The following DNMT3A variants were observed in gnomAD, a reference collection of about 807,000 sequenced individuals.
DNMT3A encodes DNA methyltransferase 3 alpha.
Under a neutral mutation model 117.6 loss-of-function variants are expected in DNMT3A, and 267 were observed. The observed-to-expected ratio is 2.27, with a 90% CI of 2.05 to 2.51. The LOEUF (loss-of-function observed/expected upper bound fraction) is 2.51, where lower values mean the gene tolerates loss of function less well. Ranked by LOEUF, DNMT3A falls within the 30% of genes most tolerant of loss-of-function variation. The pLI, the probability that DNMT3A is intolerant of heterozygous loss-of-function variation, is 0.00. For synonymous variants in DNMT3A, 432 were observed against 474.8 expected, an observed-to-expected ratio of 0.91 and a Z score of 1.17; for missense variants, 1,029 against 1,260.2, an observed-to-expected ratio of 0.82 and a Z score of 2.78.
intron 6 of DNMT3A, chr2:25,249,800 C>T (rs1675291864): frequency 1.3e-6 from 2 of 1,534,900 alleles, no homozygotes; most frequent in Non-Finnish European, 1.8e-6. Flanking sequence ...GAAACACGGC[C>T]CTCTGACTTC....
intron 3 of DNMT3A, among the ~76,000 whole-genome samples, chr2:25,292,066 C>T (rs1319895858): frequency 1.3e-5 from 2 of 152,044 alleles, no homozygotes; most frequent in African/African-American, 4.8e-5. Flanking sequence ...ACCAGCCTGG[C>T]CAACATGGTG....
rs186629653 is a variant in DNMT3A at position 25,336,497 on chromosome 2, C to T, written c.-178+5329G>A. On this transcript the variant is annotated intron_variant, in intron 1 of 22. Coordinates refer to ENST00000321117, the MANE Select transcript of DNMT3A (RefSeq NM_022552.5). ...GGCCTCCCCCTTAATCGTCACAACC[C>T]CCTGGGGTCAGTGTAATTTAAACCC... Among the ~76,000 whole-genome samples the T allele has an allele frequency of 2.0e-3, 308 of 152,196 alleles. 5 individuals are homozygous for T. Among genetic ancestry groups the T allele is most frequent in the Non-Finnish European group, 7.6e-4 (52 of 67,992 alleles).
Position 25,254,249 on chromosome 2 carries a change from GC to G in DNMT3A, c.640-5998del, listed in dbSNP as rs576188111. The stretch of plus-strand genomic sequence containing the variant: ...ATGACAATGAGACAATTCTCTAGGT[GC>G]CTGGCTCCCAGCCACAGTCACCTGG... On this transcript the variant is annotated intron_variant, in intron 6 of 22. Coordinates refer to ENST00000321117, the MANE Select transcript of DNMT3A (RefSeq NM_022552.5). This position sits in a 1 kb window ranked among gnomAD's most constrained non-coding sequence, Gnocchi z 4.7. Among the ~76,000 whole-genome samples, 119 of 152,106 alleles carry G rather than the reference GC, an allele frequency of 7.8e-4. No individual in the cohort carries two copies. Among genetic ancestry groups the G allele is most frequent in the African/African-American group, 2.7e-3 (112 of 41,506 alleles).
At position 25,254,652 on chromosome 2, in the gene DNMT3A, G is replaced by A. The variant is rs1007989482; in HGVS notation, c.640-6400C>T. Among the ~76,000 whole-genome samples the A allele has an allele frequency of 5.9e-5, 9 of 152,062 alleles. No individual in the cohort carries two copies. Among genetic ancestry groups the A allele is most frequent in the African/African-American group, 2.2e-4 (9 of 41,404 alleles). ...TAGGGAATGCAGCATGACTTGCTTCGCTGCTTCTCTCACTGATACCTCTTC... is the reference window on the plus strand; with the variant it reads ...TAGGGAATGCAGCATGACTTGCTTCACTGCTTCTCTCACTGATACCTCTTC... On this transcript the variant is annotated intron_variant, in intron 6 of 22. Coordinates refer to ENST00000321117, the MANE Select transcript of DNMT3A (RefSeq NM_022552.5). The surrounding 1 kb of genome is among the most constrained non-coding windows in gnomAD (Gnocchi z 4.7).
rs752382240 is a variant in DNMT3A at position 25,254,071 on chromosome 2, CAAAA to C, written c.640-5823_640-5820del. On this transcript the variant is annotated intron_variant, in intron 6 of 22. Transcript: ENST00000321117. This position sits in a 1 kb window ranked among gnomAD's most constrained non-coding sequence, Gnocchi z 4.7. ...TGGGCAACAGAGCGAGACTCCGTCT[CAAAA>C]AAAAAAAAAAAAAAGATCTGGACTT... Among the ~76,000 whole-genome samples, 2 of 71,098 alleles carry C rather than the reference CAAAA, an allele frequency of 2.8e-5. No homozygotes were observed. 46.6% of individuals were successfully genotyped at this position (71,098 alleles called of 152,430 possible).
chr2:25,263,420 G>T (rs1455338891), intron 6 of DNMT3A, among the ~76,000 whole-genome samples: 1 of 152,018 alleles, frequency 6.6e-6, no homozygotes, highest in Non-Finnish European at 1.5e-5. Flanking sequence ...TTGACAATGT[G>T]TGCCTCTGGG....
At position 25,252,907 on chromosome 2, in the gene DNMT3A, C is replaced by T. The variant is rs1675768462; in HGVS notation, c.640-4655G>A. ...ATCGGGGATTGTTTGGGGGGTCTCC[C>T]GCCTCCACACTACAGGTGAATAGAG... On this transcript the variant is annotated intron_variant, in intron 6 of 22. Coordinates refer to ENST00000321117, the MANE Select transcript of DNMT3A (RefSeq NM_022552.5). The surrounding 1 kb of genome is among the most constrained non-coding windows in gnomAD (Gnocchi z 5.5). Among the ~76,000 whole-genome samples the T allele has an allele frequency of 6.6e-6, 1 of 152,090 alleles. No individual in the cohort carries two copies. Among genetic ancestry groups the T allele is most frequent in the African/African-American group, 2.4e-5 (1 of 41,404 alleles).
chr2:25,277,124 C>G (rs1050505945), intron 4 of DNMT3A, among the ~76,000 whole-genome samples: 3 of 152,118 alleles, frequency 2.0e-5, no homozygotes, highest in Non-Finnish European at 4.4e-5. Flanking sequence ...GCCGCGTGGG[C>G]GGGGACGGGG....
At chr2:25,258,493 G>T (rs932496869) in intron 6 of DNMT3A, among the ~76,000 whole-genome samples, 2 of 152,208 alleles carry the variant, frequency 1.3e-5, no homozygotes, top group East Asian at 1.9e-4. Context: ...AGGTAGGCTG[G>T]GGGGAAGGGA....
In DNMT3A at chr2:25,227,991, TGACA is replaced by T. The variant is rs1278153656; in HGVS notation, c.*6284_*6287del. ...AAAAAAAATGTGATGAAGGCGGAAC[TGACA>T]GACTTTCTACATCTGTTGTACGCAT... On this transcript the variant is annotated 3_prime_UTR_variant, in exon 23 of 23. Transcript: ENST00000321117. 6.6e-6 allele frequency: 1 copy of T among 151,724 alleles called. No individual in the cohort carries two copies. Among genetic ancestry groups the T allele is most frequent in the Non-Finnish European group, 1.5e-5 (1 of 67,948 alleles). 9.4% of individuals were successfully genotyped at this position (151,724 alleles called of 1,614,324 possible). A position where few individuals can be genotyped will look rare whatever the true frequency, so the allele number is the denominator to read the frequency against.
chr2:25,249,710 C>T, intron 6 of DNMT3A: 1 of 1,614,202 alleles, frequency 6.2e-7, no homozygotes, highest in Non-Finnish European at 8.5e-7. Flanking sequence ...CTTCTCACAA[C>T]CCGCTCCAGG....
rs908687714 is a variant in DNMT3A, at chr2:25,294,131, C to T, written c.177+6008G>A. Among the ~76,000 whole-genome samples the T allele has an allele frequency of 3.3e-5, 5 of 152,182 alleles. No homozygotes were observed. The highest frequency in any genetic ancestry group is 7.3e-5 in the Non-Finnish European group (5 of 68,034). On this transcript the variant is annotated intron_variant, in intron 3 of 22. Transcript: ENST00000321117. The surrounding 1 kb of genome is among the most constrained non-coding windows in gnomAD (Gnocchi z 4.7). ...GGTCGGGGGTGCCTCTCACTTTCCC[C>T]TTGACTTCTCCAAATGTCACCTCCC...
At position 25,339,838 on chromosome 2, in the gene DNMT3A, G is replaced by A. The variant is rs1489110653; in HGVS notation, c.-178+1988C>T. ...AGTCCTAACACCCAGGCAATAGCAA[G>A]GCGAATAGCTCCCCTGGCTGCAGCT... is the stretch of plus-strand genomic sequence containing the variant. On this transcript the variant is annotated intron_variant, in intron 1 of 22. Transcript: ENST00000321117. This position sits in a 1 kb window ranked among gnomAD's most constrained non-coding sequence, Gnocchi z 4.9. Among the ~76,000 whole-genome samples, 2 of 152,260 alleles carry A rather than the reference G, an allele frequency of 1.3e-5. No homozygotes were observed. Among genetic ancestry groups the A allele is most frequent in the African/African-American group, 2.4e-5 (1 of 41,472 alleles).
chr2:25,339,251 G>C lies in DNMT3A; in HGVS notation c.-178+2575C>G, dbSNP rs1485514734. ...AGCTGGAATGGACCTTCCGGCTCTA[G>C]TCCAACCCCCACCCCACAGAGGAAT... On this transcript the variant is annotated intron_variant, in intron 1 of 22. Coordinates refer to ENST00000321117, the MANE Select transcript of DNMT3A (RefSeq NM_022552.5). The surrounding 1 kb of genome is among the most constrained non-coding windows in gnomAD (Gnocchi z 4.9). Among the ~76,000 whole-genome samples the C allele has an allele frequency of 2.0e-5, 3 of 152,218 alleles. No individual in the cohort carries two copies. Among genetic ancestry groups the C allele is most frequent in the Admixed American group, 2.0e-4 (3 of 15,286 alleles).
In DNMT3A at chr2:25,325,681, G is replaced by A. The variant is rs10204946; in HGVS notation, c.-177-11520C>T. Among the ~76,000 whole-genome samples, 1,504 of 152,190 alleles carry A rather than the reference G, an allele frequency of 9.9e-3. 22 individuals are homozygous for A. Among genetic ancestry groups the A allele is most frequent in the African/African-American group, 0.034 (1,415 of 41,494 alleles). On this transcript the variant is annotated intron_variant, in intron 1 of 22. Transcript: ENST00000321117. Reference sequence around the variant, plus strand: ...CACTTGGCTTTCTCGAACTCCTTACGCCACTGAACTGACAGTGGAAAAAAG... The same window carrying A: ...CACTTGGCTTTCTCGAACTCCTTACACCACTGAACTGACAGTGGAAAAAAG...
chr2:25,286,450 G>T lies in DNMT3A; in HGVS notation c.178-3739C>A, dbSNP rs747460558. Among the ~76,000 whole-genome samples the T allele has an allele frequency of 6.6e-6, 1 of 152,122 alleles. No individual in the cohort carries two copies. Among genetic ancestry groups the T allele is most frequent in the East Asian group, 1.9e-4 (1 of 5,204 alleles). Reference sequence around the variant, plus strand: ...CTCACCCGCTGAAATCCCCACTCCCGCATCTGGTCCACACCATCCTCTGCC... The same window carrying T: ...CTCACCCGCTGAAATCCCCACTCCCTCATCTGGTCCACACCATCCTCTGCC... On this transcript the variant is annotated intron_variant, in intron 3 of 22. Transcript: ENST00000321117. This position sits in a 1 kb window ranked among gnomAD's most constrained non-coding sequence, Gnocchi z 4.3.
chr2:25,243,742 C>T (rs1180472159), intron 16 of DNMT3A, among the ~76,000 whole-genome samples, 156 bp downstream of exon 16: 1 of 152,252 alleles, frequency 6.6e-6, no homozygotes, highest in Non-Finnish European at 1.5e-5. Flanking sequence ...CCACGGACTG[C>T]ATACGTTTCC....
Position 25,286,205 on chromosome 2 carries a change from G to T in DNMT3A, c.178-3494C>A, listed in dbSNP as rs1313495597. ...GGCTCCGTAGCATAGAGACCTATGA[G>T]GGCCGGCTCTGAGGCCCAACACAGC... On this transcript the variant is annotated intron_variant, in intron 3 of 22. Coordinates refer to ENST00000321117, the MANE Select transcript of DNMT3A (RefSeq NM_022552.5). The surrounding 1 kb of genome is among the most constrained non-coding windows in gnomAD (Gnocchi z 4.3). 6.6e-6 allele frequency among the ~76,000 whole-genome samples: 1 copy of T among 152,170 alleles called. No homozygotes were observed. Among genetic ancestry groups the T allele is most frequent in the Non-Finnish European group, 1.5e-5 (1 of 68,036 alleles).
rs117076924 is a variant in DNMT3A at position 25,312,451 on chromosome 2, C to T, written c.72+1462G>A. Among the ~76,000 whole-genome samples the T allele has an allele frequency of 2.0e-4, 31 of 152,338 alleles. No individual in the cohort carries two copies. The East Asian group carries it at 3.9e-3, about 19-fold the overall frequency. ...GGCTGACTGGGTGCACACACCCCCA[C>T]GGTGCTCTACAGGGTGCTGGGCTGG... On this transcript the variant is annotated intron_variant, in intron 2 of 22. Transcript: ENST00000321117.
Sources: allele counts gnomAD v4.1 joint callset (sites outside exome capture counted in the v4.1 genomes callset), GRCh38; gene constraint gnomAD v4.1.1; non-coding constraint Gnocchi (gnomAD v3.1); transcripts MANE v1.5; gene names NCBI Gene and HGNC (gene_info 2026-07-23, HGNC 2026-07-21).